The following AGMO variants were observed in gnomAD, a reference collection of about 807,000 sequenced individuals.
AGMO encodes alkylglycerol monooxygenase, also known as glyceryl-ether monooxygenase.
AGMO carries 75 observed loss-of-function variants against 60.2 expected under a neutral mutation model. The observed-to-expected ratio is 1.25, with a 90% CI of 1.03 to 1.51. The LOEUF (loss-of-function observed/expected upper bound fraction) is 1.51. Among genes scored for constraint, AGMO ranks in the 40% most tolerant of loss-of-function variants. AGMO has a pLI of 0.00. For missense variants in AGMO, 763 were observed against 525.5 expected, an observed-to-expected ratio of 1.45 and a Z score of -4.42; for synonymous variants, 261 against 177.1, an observed-to-expected ratio of 1.47 and a Z score of -3.76.
At chr7:15,268,067 A>C (rs575464284) in intron 12 of AGMO, among the ~76,000 whole-genome samples, 1 of 152,022 alleles carries the variant, frequency 6.6e-6, no homozygotes, top group East Asian at 1.9e-4. Flanking sequence ...TTATCTGTTA[A>C]GAGAAACATT....
chr7:15,340,395 G>T (rs547465086), intron 12 of AGMO, among the ~76,000 whole-genome samples: 30 of 152,112 alleles, frequency 2.0e-4, no homozygotes, highest in African/African-American at 3.1e-4. Flanking sequence ...AAGACTTCAG[G>T]TCGGCTCTTT....
chr7:15,450,199 T>C (rs1279715635), intron 3 of AGMO, among the ~76,000 whole-genome samples: 2 of 152,072 alleles, frequency 1.3e-5, no homozygotes, highest in Admixed American at 6.5e-5. Flanking sequence ...GGCGGGCAGA[T>C]CACGAGTTCA....
At chr7:15,514,014 G>C (rs1783745644) in intron 3 of AGMO, among the ~76,000 whole-genome samples, 2 of 152,120 alleles carry the variant, frequency 1.3e-5, no homozygotes, top group South Asian at 4.1e-4. Flanking sequence ...CATTTCTTTG[G>C]ATCTCAATCT....
rs535211983 is a variant in AGMO at position 15,546,767 on chromosome 7, G to A, written c.258-1844C>T. On this transcript the variant is annotated intron_variant, in intron 2 of 12. Coordinates refer to ENST00000342526, the MANE Select transcript of AGMO (RefSeq NM_001004320.2). Reference sequence around the variant, plus strand: ...TCCAAATTTTTATGAAGGTATGCTAGTCAAAGTAGGCGGTGAGAACAAATT... The same window carrying A: ...TCCAAATTTTTATGAAGGTATGCTAATCAAAGTAGGCGGTGAGAACAAATT... Among the ~76,000 whole-genome samples the A allele has an allele frequency of 1.1e-4, 16 of 152,352 alleles. No homozygotes were observed. The South Asian group carries it at 3.1e-3, about 30-fold the overall frequency.
intron 3 of AGMO, among the ~76,000 whole-genome samples, chr7:15,467,191 G>T (rs573885066): frequency 6.6e-6 from 1 of 152,108 alleles, no homozygotes; most frequent in African/African-American, 2.4e-5. Context: ...ATAAAATGTT[G>T]TACTCTTCCA....
intron 12 of AGMO, among the ~76,000 whole-genome samples, chr7:15,275,754 C>A (rs896511849): frequency 2.0e-5 from 3 of 151,700 alleles, no homozygotes; most frequent in Admixed American, 6.6e-5. Context: ...ATGGTGATAT[C>A]TTTTTGTGCT....
rs541851153 is a variant in AGMO, at chr7:15,355,277, C to A, written c.1263+10237G>T. Among the ~76,000 whole-genome samples the A allele has an allele frequency of 2.2e-4, 34 of 151,852 alleles. 2 individuals carry two copies. The highest frequency in any genetic ancestry group is 2.1e-3 in the Admixed American group (32 of 15,246). ...CAGCACTATGGGAGGCCGAGACGGG[C>A]GGATCACAAGGTCAGGAGATCGAGA... On this transcript the variant is annotated intron_variant, in intron 12 of 12. Transcript: ENST00000342526.
chr7:15,166,855 GAGAT>G, the AGMO span, among the ~76,000 whole-genome samples: 1 of 152,178 alleles, frequency 6.6e-6, no homozygotes, highest in African/African-American at 2.4e-5. Flanking sequence ...TCTGACAACT[GAGAT>G]AGAGAAGTCT....
At chr7:15,538,827 G>T (rs531422968) in intron 3 of AGMO, among the ~76,000 whole-genome samples, 4 of 152,264 alleles carry the variant, frequency 2.6e-5, no homozygotes, top group African/African-American at 9.6e-5. Context: ...ATATACAGGG[G>T]TTCACTTAAT....
At chr7:15,222,405 TAGAAAA>T (rs1413417349) in intron 12 of AGMO, among the ~76,000 whole-genome samples, 1 of 152,040 alleles carries the variant, frequency 6.6e-6, no homozygotes, top group Non-Finnish European at 1.5e-5. Context: ...ATAAAACTGA[TAGAAAA>T]AGAAAGACAG....
At chr7:15,216,988 C>A (rs1781761185) in intron 12 of AGMO, among the ~76,000 whole-genome samples, 1 of 152,046 alleles carries the variant, frequency 6.6e-6, no homozygotes, top group Non-Finnish European at 1.5e-5. Flanking sequence ...AGACACAAAA[C>A]TCTCTTTTAC....
chr7:15,415,078 G>A (rs936382582), intron 5 of AGMO, among the ~76,000 whole-genome samples: 12 of 151,940 alleles, frequency 7.9e-5, no homozygotes, highest in East Asian at 1.9e-4. Context: ...TGTGATAGTC[G>A]AAGATTTCTT....
chr7:15,263,982 G>A (rs1423514067), intron 12 of AGMO, among the ~76,000 whole-genome samples: 1 of 151,802 alleles, frequency 6.6e-6, no homozygotes, highest in Non-Finnish European at 1.5e-5. Context: ...TGGTTGATGG[G>A]TGCACCAAAA....
In AGMO at chr7:15,413,059, C is replaced by A. The variant is rs147308117; in HGVS notation, c.609+5499G>T. Among the ~76,000 whole-genome samples the A allele has an allele frequency of 4.5e-3, 685 of 151,960 alleles. 4 individuals carry two copies. Among genetic ancestry groups the A allele is most frequent in the African/African-American group, 0.016 (651 of 41,440 alleles). Reference sequence around the variant, plus strand: ...TGAACCAGATATTGGAATTAGCAGACAAGAATTTTTAAATAATTATTACAT... The same window carrying A: ...TGAACCAGATATTGGAATTAGCAGAAAAGAATTTTTAAATAATTATTACAT... On this transcript the variant is annotated intron_variant, in intron 5 of 12. Transcript: ENST00000342526.
At chr7:15,345,301 C>T (rs1204101682) in intron 12 of AGMO, among the ~76,000 whole-genome samples, 2 of 152,126 alleles carry the variant, frequency 1.3e-5, no homozygotes, top group Admixed American at 1.3e-4. Context: ...CCATAAGGAA[C>T]GATTTTCAGT....
chr7:15,307,355 C>T (rs931955259), intron 12 of AGMO, among the ~76,000 whole-genome samples: 2 of 151,900 alleles, frequency 1.3e-5, no homozygotes, highest in Non-Finnish European at 2.9e-5. Flanking sequence ...AGGCATTTAC[C>T]ATTACTTATA....
At chr7:15,461,155 T>C (rs1782131141) in intron 3 of AGMO, among the ~76,000 whole-genome samples, 1 of 152,116 alleles carries the variant, frequency 6.6e-6, no homozygotes, top group Admixed American at 6.6e-5. Flanking sequence ...CATAAAGTTA[T>C]TGCTTCAAAG....
chr7:15,560,313 T>A (rs775837813), intron 1 of AGMO, 42 bp from the exon 2 acceptor site: 1 of 1,578,644 alleles, frequency 6.3e-7, no homozygotes. Context: ...TTATGTTCCA[T>A]ATGAAATTAT....
At chr7:15,233,611 C>T (rs780552305) in intron 12 of AGMO, among the ~76,000 whole-genome samples, 1 of 151,436 alleles carries the variant, frequency 6.6e-6, no homozygotes, top group African/African-American at 2.4e-5. Flanking sequence ...GATGATTACA[C>T]AGCATTGTCC....
Sources: allele counts gnomAD v4.1 joint callset (sites outside exome capture counted in the v4.1 genomes callset), GRCh38; gene constraint gnomAD v4.1.1; transcripts MANE v1.5; gene names NCBI Gene and HGNC (gene_info 2026-07-23, HGNC 2026-07-21).